The following CGRRF1 variants were observed in gnomAD, a reference collection of about 807,000 sequenced individuals.
The protein encoded by CGRRF1 is cell growth regulator with ring finger domain 1, also known as cell growth regulator with RING finger domain protein 1.
CGRRF1 carries 32 observed loss-of-function variants against 37.2 expected under a neutral mutation model. The observed-to-expected ratio is 0.86, with a 90% confidence interval of 0.65 to 1.16. CGRRF1 has a LOEUF of 1.16. Ranked by LOEUF, CGRRF1 falls within the 50% of genes most tolerant of loss-of-function variation. CGRRF1 has a pLI of 0.00. For missense variants in CGRRF1, 391 were observed against 382.6 expected (o/e 1.02, Z -0.18); for synonymous variants, 141 against 140.3 (o/e 1.00, Z -0.04).
chr14:54,509,908 G>C lies in CGRRF1; in HGVS notation c.-52G>C. The C allele has an allele frequency of 7.1e-7, 1 of 1,399,180 alleles. No homozygotes were observed. Among genetic ancestry groups the C allele is most frequent in the Non-Finnish European group, 1.0e-6 (1 of 986,124 alleles). The allele number at this position is 1,399,180 out of a possible 1,614,324, so 86.7% of individuals were successfully genotyped here. On this transcript the variant is annotated 5_prime_UTR_variant, in exon 1 of 6. Coordinates refer to ENST00000216420, the MANE Select transcript of CGRRF1 (RefSeq NM_006568.3). ...GGCCGGGCGGGCGGGGCTCAGCCGG[G>C]CTGGGCTGGGCTCCGCGGCTGGAGC...
chr14:54,535,773 C>T (rs184463685), intron 4 of CGRRF1, among the ~76,000 whole-genome samples: 1 of 152,330 alleles, frequency 6.6e-6, no homozygotes, highest in Non-Finnish European at 1.5e-5. Context: ...GCAGCCCTCC[C>T]TCCAGTCGGT....
At chr14:54,512,123 C>T (rs1025177336) in intron 1 of CGRRF1, among the ~76,000 whole-genome samples, 1 of 152,092 alleles carries the variant, frequency 6.6e-6, no homozygotes, top group Admixed American at 6.6e-5. Flanking sequence ...TGTTTTTCAC[C>T]CTTGTCATTG....
At chr14:54,533,761 CTT>C (rs1343958162) in intron 4 of CGRRF1, among the ~76,000 whole-genome samples, 1 of 151,438 alleles carries the variant, frequency 6.6e-6, no homozygotes, top group Non-Finnish European at 1.5e-5. Context: ...AAAATTTTGA[CTT>C]TAAAATTTTT....
intron 1 of CGRRF1, among the ~76,000 whole-genome samples, chr14:54,516,787 T>A (rs181358890): frequency 3.3e-5 from 5 of 152,198 alleles, no homozygotes; most frequent in Non-Finnish European, 7.4e-5. Context: ...ATGTTAAGAC[T>A]TCAGTTACAT....
chr14:54,522,832 A>C (rs1372968696), intron 2 of CGRRF1, among the ~76,000 whole-genome samples: 1 of 152,240 alleles, frequency 6.6e-6, no homozygotes, highest in Non-Finnish European at 1.5e-5. Context: ...AAAGGAGTAG[A>C]ATGAAGTATT....
At chr14:54,519,173 C>T (rs532613118) in intron 1 of CGRRF1, among the ~76,000 whole-genome samples, 11 of 151,254 alleles carry the variant, frequency 7.3e-5, no homozygotes, top group Admixed American at 3.9e-4. Context: ...CTTGAACTCC[C>T]GACCTCGGGT....
intron 4 of CGRRF1, among the ~76,000 whole-genome samples, chr14:54,531,650 A>G (rs866530970): frequency 1.3e-5 from 2 of 151,996 alleles, no homozygotes; most frequent in African/African-American, 4.8e-5. Context: ...CTGCACCTAT[A>G]TCTTATATGT....
At chr14:54,516,661 T>C (rs2032223027) in intron 1 of CGRRF1, among the ~76,000 whole-genome samples, 1 of 152,178 alleles carries the variant, frequency 6.6e-6, no homozygotes, top group African/African-American at 2.4e-5. Flanking sequence ...TTTCTTGTGC[T>C]TGGAGCTCAT....
chr14:54,536,992 T>C (rs2032610643), intron 4 of CGRRF1: 1 of 152,108 alleles, frequency 6.6e-6, no homozygotes, highest in African/African-American at 2.4e-5. Context: ...GTTTCTGGAG[T>C]TGATTCTTAT....
At chr14:54,526,736 T>TAAC (rs1372513602) in intron 2 of CGRRF1, among the ~76,000 whole-genome samples, 2 of 152,204 alleles carry the variant, frequency 1.3e-5, no homozygotes, top group Non-Finnish European at 2.9e-5. Context: ...TGGTAAGAGC[T>TAAC]AACATTAAAG....
chr14:54,529,733 TTTTA>T (rs1323418279), intron 2 of CGRRF1, among the ~76,000 whole-genome samples: 31 of 152,212 alleles, frequency 2.0e-4, no homozygotes, highest in African/African-American at 6.8e-4. Context: ...GTGAACTGTA[TTTTA>T]GTTTTAAAAA....
intron 5 of CGRRF1, 34 bp downstream of exon 5, chr14:54,537,863 T>C: frequency 6.4e-7 from 1 of 1,572,336 alleles, no homozygotes; most frequent in South Asian, 1.2e-5. Context: ...TCTCTGTCTC[T>C]TTTGTTTACA....
Position 54,538,385 on chromosome 14 carries a change from G to A in CGRRF1, c.*2G>A. 6.3e-7 allele frequency: 1 copy of A among 1,598,638 alleles called. No homozygotes were observed. Among genetic ancestry groups the A allele is most frequent in the Non-Finnish European group, 8.6e-7 (1 of 1,168,604 alleles). ...AAAGACAAACCGAAGACTCTTTGAA[G>A]ACATCGTAACACTGAAAAGTACACT... On this transcript the variant is annotated 3_prime_UTR_variant, in exon 6 of 6. Coordinates refer to ENST00000216420, the MANE Select transcript of CGRRF1 (RefSeq NM_006568.3).
Position 54,530,768 on chromosome 14 carries a change from C to T in CGRRF1, c.423-135C>T, listed in dbSNP as rs184565279. The T allele has an allele frequency of 1.2e-5, 11 of 902,994 alleles. No homozygotes were observed. In the African/African-American group the frequency reaches 1.7e-4, roughly 14 times the overall value. 55.9% of individuals were successfully genotyped at this position (902,994 alleles called of 1,614,324 possible). On this transcript the variant is annotated intron_variant, in intron 3 of 5. Transcript: ENST00000216420. ...TCTCTATCAGGAACAGTATTTGTAT[C>T]CTTTTATCTGATATACCCATTAGCA...
chr14:54,538,207 G>A lies in CGRRF1; in HGVS notation c.823G>A (p.Val275Ile). The A allele has an allele frequency of 6.2e-7, 1 of 1,614,172 alleles. No homozygotes were observed. ...ATCGGAAGAGAACAGCAAGGACTGT[G>A]TTGTTTGCCAGAATGGGACTGTGAA... Reference protein sequence around the residue: ...EPSEENSKDCVVCQNGTVNWV... With the variant: ...EPSEENSKDCIVCQNGTVNWV... Residue 275 changes from valine to isoleucine, a missense_variant, in exon 6 of 6, where the codon GTT becomes ATT. Physicochemically the swap from Val to Ile is conservative, Grantham distance 29. Coordinates refer to ENST00000216420, the MANE Select transcript of CGRRF1 (RefSeq NM_006568.3).
chr14:54,510,285 A>G, intron 1 of CGRRF1: 1 of 568,722 alleles, frequency 1.8e-6, no homozygotes, highest in East Asian at 3.0e-5. Context: ...TCGCTGGGGC[A>G]TCTTGGGGTG....
chr14:54,526,144 ATT>A (rs745596386), intron 2 of CGRRF1, among the ~76,000 whole-genome samples: 30 of 107,074 alleles, frequency 2.8e-4, no homozygotes, highest in African/African-American at 9.4e-4. Context: ...TATATTTAAG[ATT>A]TTTTTTTTTT....
Position 54,527,343 on chromosome 14 carries a change from A to G in CGRRF1, c.245-2706A>G, listed in dbSNP as rs1296992134. Among the ~76,000 whole-genome samples the G allele has an allele frequency of 3.3e-5, 5 of 152,210 alleles. No individual in the cohort carries two copies. The East Asian group carries it at 9.6e-4, about 29-fold the overall frequency. Reference sequence around the variant, plus strand: ...AATGGACAAGTTTGTAAAAGATTATAGAGATATACCTAATGCTAAATGACG... The same window carrying G: ...AATGGACAAGTTTGTAAAAGATTATGGAGATATACCTAATGCTAAATGACG... On this transcript the variant is annotated intron_variant, in intron 2 of 5. Coordinates refer to ENST00000216420, the MANE Select transcript of CGRRF1 (RefSeq NM_006568.3).
intron 2 of CGRRF1, among the ~76,000 whole-genome samples, chr14:54,526,001 G>C (rs2032405198): frequency 6.6e-6 from 1 of 152,032 alleles, no homozygotes; most frequent in African/African-American, 2.4e-5. Context: ...GGAGGCTTAG[G>C]CTGGAGGATT....
Sources: allele counts gnomAD v4.1 joint callset (sites outside exome capture counted in the v4.1 genomes callset), GRCh38; gene constraint gnomAD v4.1.1; transcripts MANE v1.5; gene names NCBI Gene and HGNC (gene_info 2026-07-23, HGNC 2026-07-21).